DCUN1D4: variants seen among roughly 807,000 people sequenced by gnomAD.
DCUN1D4 encodes the protein DCN1-like protein 4.
In DCUN1D4, 22 loss-of-function variants were observed where a neutral mutation model predicts 47.9. That is an observed-to-expected ratio of 0.46 (90% CI 0.33 to 0.66). The LOEUF is 0.66. Among genes scored for constraint, DCUN1D4 ranks in the 30% least tolerant of loss-of-function variants. DCUN1D4 has a pLI of 0.02. For synonymous variants in DCUN1D4, 121 were observed against 112.2 expected (o/e 1.08, Z -0.50); for missense variants, 301 against 340.8 (o/e 0.88, Z 0.92).
chr4:51,844,989 A>T (rs1722296869), intron 1 of DCUN1D4: 1 of 985,256 alleles, frequency 1.0e-6, no homozygotes, highest in Admixed American at 6.1e-5. Context: ...TGGGAGAGGG[A>T]GAGCCCACGC....
intron 4 of DCUN1D4, among the ~76,000 whole-genome samples, chr4:51,875,713 A>G (rs773674260): frequency 2.0e-5 from 3 of 152,110 alleles, no homozygotes; most frequent in Non-Finnish European, 4.4e-5. Flanking sequence ...CCTTTTATGG[A>G]TATGGTCTTT....
At chr4:51,858,622 T>C (rs191685634) in intron 1 of DCUN1D4, among the ~76,000 whole-genome samples, 30 of 152,356 alleles carry the variant, frequency 2.0e-4, no homozygotes, top group Non-Finnish European at 3.5e-4. Flanking sequence ...GAGTTTGAAA[T>C]GCCATTTAAT....
intron 7 of DCUN1D4, among the ~76,000 whole-genome samples, chr4:51,897,524 G>A (rs1397239086): frequency 2.0e-5 from 3 of 152,110 alleles, no homozygotes; most frequent in African/African-American, 7.3e-5. Context: ...TGAAAATGGT[G>A]ACTCTTGATT....
intron 1 of DCUN1D4, among the ~76,000 whole-genome samples, chr4:51,855,436 A>T (rs1373109660): frequency 6.6e-6 from 1 of 152,194 alleles, no homozygotes. Context: ...AAAAAATCTA[A>T]ATCCACTGGG....
chr4:51,916,661 T>C lies in DCUN1D4; in HGVS notation c.*3077T>C, dbSNP rs1012739241. ...CAGGTAACCTATAACTGTGAATGCT[T>C]CGTGTCGTCAGTATTTGCATTACAT... On this transcript the variant is annotated 3_prime_UTR_variant, in exon 11 of 11. Coordinates refer to ENST00000334635, the MANE Select transcript of DCUN1D4 (RefSeq NM_001040402.3). The C allele has an allele frequency of 6.5e-6, 1 of 152,704 alleles. No homozygotes were observed. Among genetic ancestry groups the C allele is most frequent in the South Asian group, 2.1e-4 (1 of 4,828 alleles). 9.5% of individuals were successfully genotyped at this position (152,704 alleles called of 1,614,324 possible). A position where few individuals can be genotyped will look rare whatever the true frequency, so the allele number is the denominator to read the frequency against.
At chr4:51,846,720 A>G (rs1722605776) in intron 1 of DCUN1D4, among the ~76,000 whole-genome samples, 1 of 152,206 alleles carries the variant, frequency 6.6e-6, no homozygotes, top group Non-Finnish European at 1.5e-5. Flanking sequence ...CTTAAATAAT[A>G]GGGCTTATTA....
chr4:51,868,437 C>T (rs920544131), intron 3 of DCUN1D4, among the ~76,000 whole-genome samples: 1 of 152,210 alleles, frequency 6.6e-6, no homozygotes, highest in African/African-American at 2.4e-5. Flanking sequence ...CTTGTAAGTG[C>T]CCAGTCAATG....
chr4:51,874,506 C>T (rs1316047222), intron 4 of DCUN1D4, 121 bp downstream of exon 4: 12 of 523,768 alleles, frequency 2.3e-5, no homozygotes, highest in East Asian at 9.9e-5. Context: ...CTTTGCCAGT[C>T]GATTTTTCAA....
chr4:51,847,848 C>T (rs889460666), intron 1 of DCUN1D4, among the ~76,000 whole-genome samples: 1 of 152,098 alleles, frequency 6.6e-6, no homozygotes, highest in Non-Finnish European at 1.5e-5. Context: ...AGCAGTGCTT[C>T]CTTCTGTTAC....
intron 4 of DCUN1D4, among the ~76,000 whole-genome samples, chr4:51,876,786 G>A (rs1197020792): frequency 6.6e-6 from 1 of 151,336 alleles, no homozygotes; most frequent in Non-Finnish European, 1.5e-5. Flanking sequence ...ATAGGTGGGG[G>A]TCCTGGAAAC....
chr4:51,843,184 G>C lies in DCUN1D4; in HGVS notation c.-59G>C. On this transcript the variant is annotated 5_prime_UTR_variant, in exon 1 of 11. Transcript: ENST00000334635. Reference sequence around the variant, plus strand: ...GAGCCGAGGTGCAGTGAGCTGGTGGGGGGACCGCGAGGCGAGCGCGGGAGC... The same window carrying C: ...GAGCCGAGGTGCAGTGAGCTGGTGGCGGGACCGCGAGGCGAGCGCGGGAGC... 2 of 1,535,804 alleles carry C rather than the reference G, an allele frequency of 1.3e-6. No individual in the cohort carries two copies. Among genetic ancestry groups the C allele is most frequent in the Non-Finnish European group, 1.8e-6 (2 of 1,141,904 alleles).
At position 51,883,451 on chromosome 4, in the gene DCUN1D4, A is replaced by G. The variant is rs563049305; in HGVS notation, c.344-3117A>G. Among the ~76,000 whole-genome samples the G allele has an allele frequency of 2.0e-3, 310 of 152,310 alleles. 1 individual carries two copies. The highest frequency in any genetic ancestry group is 7.1e-3 in the African/African-American group (294 of 41,562). Reference sequence around the variant, plus strand: ...TACATGAATGTGCACATGTGGATATATGCACTCTCAAACCAAAGAAAGCAG... The same window carrying G: ...TACATGAATGTGCACATGTGGATATGTGCACTCTCAAACCAAAGAAAGCAG... On this transcript the variant is annotated intron_variant, in intron 5 of 10. Transcript: ENST00000334635.
In DCUN1D4 at chr4:51,907,571, T is replaced by C. The variant is rs917322436; in HGVS notation, c.616-3499T>C. ...CAATTTCTGACTTCACCATTTATGTTTGGAATTGTGATTTGCCTGTATATT... is the reference window on the plus strand; with the variant it reads ...CAATTTCTGACTTCACCATTTATGTCTGGAATTGTGATTTGCCTGTATATT... On this transcript the variant is annotated intron_variant, in intron 8 of 10. Coordinates refer to ENST00000334635, the MANE Select transcript of DCUN1D4 (RefSeq NM_001040402.3). Among the ~76,000 whole-genome samples the C allele has an allele frequency of 1.2e-4, 18 of 152,218 alleles. 1 individual carries two copies. The highest frequency in any genetic ancestry group is 1.5e-4 in the Non-Finnish European group (10 of 68,028).
intron 1 of DCUN1D4, among the ~76,000 whole-genome samples, chr4:51,854,935 C>G (rs1723894093): frequency 6.6e-6 from 1 of 152,084 alleles, no homozygotes. Context: ...TAGGAATGTT[C>G]AGCTGGTGAG....
chr4:51,857,473 C>G (rs144926908), intron 1 of DCUN1D4, among the ~76,000 whole-genome samples: 130 of 152,326 alleles, frequency 8.5e-4, no homozygotes, highest in African/African-American at 2.8e-3. Context: ...CCAAGACTCT[C>G]AAAGGAGTGC....
At chr4:51,867,344 C>CGTGGCAA (rs1163341188) in intron 3 of DCUN1D4, among the ~76,000 whole-genome samples, 1 of 152,212 alleles carries the variant, frequency 6.6e-6, no homozygotes, top group Non-Finnish European at 1.5e-5. Context: ...CCGCCCACAA[C>CGTGGCAA]GTGGCAAGTG....
chr4:51,868,065 C>T (rs541633053), intron 3 of DCUN1D4, among the ~76,000 whole-genome samples: 39 of 152,328 alleles, frequency 2.6e-4, no homozygotes, highest in Admixed American at 2.6e-4. Context: ...GGTCAGGTCA[C>T]GACAGTGCCT....
intron 5 of DCUN1D4, among the ~76,000 whole-genome samples, chr4:51,883,134 G>A (rs1226537695): frequency 6.6e-6 from 1 of 152,240 alleles, no homozygotes; most frequent in Non-Finnish European, 1.5e-5. Context: ...TGAAGTAGAT[G>A]TATGGGTACT....
At chr4:51,858,305 G>A (rs981572116) in intron 1 of DCUN1D4, among the ~76,000 whole-genome samples, 7 of 152,110 alleles carry the variant, frequency 4.6e-5, no homozygotes, top group East Asian at 1.9e-4. Flanking sequence ...GGGGAAGAGC[G>A]CTCAAGGTAA....
Sources: gnomAD v4.1 joint callset for allele counts (sites outside exome capture counted in the v4.1 genomes callset) on GRCh38, gnomAD v4.1.1 for gene constraint, MANE v1.5 for transcripts, NCBI Gene and HGNC (gene_info 2026-07-23, HGNC 2026-07-21) for gene names.